The following COL5A1 variants were observed in gnomAD, a reference collection of about 807,000 sequenced individuals.
The protein encoded by COL5A1 is collagen type V alpha 1 chain.
Under a neutral mutation model 263.7 loss-of-function variants are expected in COL5A1, and 16 were observed. That is an observed-to-expected ratio of 0.06 (90% CI 0.04 to 0.09). The LOEUF (loss-of-function observed/expected upper bound fraction) is 0.09, where lower values mean the gene tolerates loss of function less well. Ranked by LOEUF, COL5A1 falls within the 10% of genes least tolerant of loss-of-function variation. The pLI is 1.00. For missense variants in COL5A1, 2,036 were observed against 2,540.5 expected (o/e 0.80, Z 4.27); for synonymous variants, 1,012 against 1,004.5 (o/e 1.01, Z -0.14).
chr9:134,771,141 G>A (rs1836853213), intron 25 of COL5A1, among the ~76,000 whole-genome samples: 1 of 152,270 alleles, frequency 6.6e-6, no homozygotes, highest in Non-Finnish European at 1.5e-5. Context: ...AAATGACCAC[G>A]TGGAGAGGCC....
chr9:134,815,920 CT>C lies in COL5A1; in HGVS notation c.4069-11del. On this transcript the variant is annotated splice_polypyrimidine_tract_variant and intron_variant, in intron 51 of 65. Coordinates refer to ENST00000371817, the MANE Select transcript of COL5A1 (RefSeq NM_000093.5). Reference sequence around the variant, plus strand: ...CATCCGGGGTTCAGCAAGGAGCTCGCTTTTGCCTCCATAGGGTCAAGATGGT... The same window carrying C: ...CATCCGGGGTTCAGCAAGGAGCTCGCTTTGCCTCCATAGGGTCAAGATGGT... 6.2e-7 allele frequency: 1 copy of C among 1,614,140 alleles called. No homozygotes were observed. The highest frequency in any genetic ancestry group is 8.5e-7 in the Non-Finnish European group (1 of 1,180,020).
chr9:134,816,669 G>A (rs1021991942), intron 52 of COL5A1, among the ~76,000 whole-genome samples: 38 of 152,236 alleles, frequency 2.5e-4, no homozygotes, highest in African/African-American at 9.2e-4. Context: ...CCACTTCCCG[G>A]CCTGTGTCCT....
chr9:134,808,979 C>T (rs1469128192), intron 42 of COL5A1: 11 of 618,804 alleles, frequency 1.8e-5, no homozygotes, highest in Admixed American at 5.2e-5. Flanking sequence ...TTAATTGAAG[C>T]GATGCACCAG....
At position 134,814,594 on chromosome 9, in the gene COL5A1, C is replaced by G. The variant is rs530406551; in HGVS notation, c.3907-203C>G. 1.4e-3 allele frequency among the ~76,000 whole-genome samples: 209 copies of G among 152,328 alleles called. 1 individual carries two copies. The highest frequency in any genetic ancestry group is 4.7e-3 in the African/African-American group (195 of 41,578). On this transcript the variant is annotated intron_variant, in intron 49 of 65. Coordinates refer to ENST00000371817, the MANE Select transcript of COL5A1 (RefSeq NM_000093.5). ...CTTTGAGGGCCCCAGAAAGTGAAGGCTCCTCAGGTCCCCCTCAGGGTGCAC... is the reference window on the plus strand; with the variant it reads ...CTTTGAGGGCCCCAGAAAGTGAAGGGTCCTCAGGTCCCCCTCAGGGTGCAC...
Position 134,754,342 on chromosome 9 carries a change from G to A in COL5A1, c.1827+16G>A, listed in dbSNP as rs745897562. 70 of 1,613,882 alleles carry A rather than the reference G, an allele frequency of 4.3e-5. No individual in the cohort carries two copies. The highest frequency in any genetic ancestry group is 5.8e-5 in the Non-Finnish European group (68 of 1,180,036). On this transcript the variant is annotated intron_variant, in intron 16 of 65. Transcript: ENST00000371817. This position sits in a 1 kb window ranked among gnomAD's most constrained non-coding sequence, Gnocchi z 4.3. ...CGGAAGACGGGTGAGTGGTGCGAGT[G>A]TGTGTGGTTTAGTGACAGCAGCTTG...
intron 49 of COL5A1, 144 bp from the exon 50 acceptor site, chr9:134,814,653 G>C (rs879746937): frequency 2.9e-6 from 2 of 698,062 alleles, no homozygotes; most frequent in African/African-American, 1.8e-5. Context: ...CTTGGGGAGC[G>C]ACCTGGCAGC....
chr9:134,655,080 A>C, intron 1 of COL5A1, among the ~76,000 whole-genome samples: 1 of 18,134 alleles, frequency 5.5e-5, no homozygotes, highest in East Asian at 1.3e-3. Flanking sequence ...GTGTAGGGCT[A>C]GGGGTGTGTA....
intron 4 of COL5A1, among the ~76,000 whole-genome samples, chr9:134,717,900 A>G (rs1368055735): frequency 1.3e-5 from 2 of 151,856 alleles, no homozygotes; most frequent in African/African-American, 4.8e-5. Flanking sequence ...GGCTGGCTCA[A>G]CCCAGGGATG....
intron 1 of COL5A1, among the ~76,000 whole-genome samples, chr9:134,659,816 C>CAGCT (rs1380911934): frequency 6.6e-6 from 1 of 152,224 alleles, no homozygotes; most frequent in East Asian, 1.9e-4. Context: ...AGCCTGTGCC[C>CAGCT]AGCTGTGTGT....
In COL5A1 at chr9:134,758,951, G is replaced by A. The variant is rs991835072; in HGVS notation, c.1935+655G>A. Among the ~76,000 whole-genome samples the A allele has an allele frequency of 9.2e-5, 14 of 152,282 alleles. No individual in the cohort carries two copies. Among genetic ancestry groups the A allele is most frequent in the South Asian group, 2.1e-4 (1 of 4,832 alleles). On this transcript the variant is annotated intron_variant, in intron 18 of 65. Coordinates refer to ENST00000371817, the MANE Select transcript of COL5A1 (RefSeq NM_000093.5). The surrounding 1 kb of genome is among the most constrained non-coding windows in gnomAD (Gnocchi z 4.1). The stretch of plus-strand genomic sequence containing the variant: ...AATCTTGAATCTGTCTCAATAGACT[G>A]TGGTCTTCTTTCAATAACAACGTGA...
intron 1 of COL5A1, among the ~76,000 whole-genome samples, chr9:134,657,879 T>C (rs1179938350): frequency 6.6e-6 from 1 of 151,862 alleles, no homozygotes; most frequent in East Asian, 1.9e-4. Context: ...GGCAGATGAA[T>C]AAGCTCAGAC....
chr9:134,667,975 G>A (rs757231689), intron 1 of COL5A1, among the ~76,000 whole-genome samples: 43 of 152,198 alleles, frequency 2.8e-4, no homozygotes, highest in African/African-American at 2.2e-4. Context: ...GGAACACAGA[G>A]CTGTGAGGGG....
intron 4 of COL5A1, among the ~76,000 whole-genome samples, chr9:134,717,880 G>C (rs529544404): frequency 1.3e-4 from 20 of 152,274 alleles, no homozygotes; most frequent in Non-Finnish European, 2.6e-4. Flanking sequence ...GTGCCAGGCA[G>C]TCATGGGGGG....
At chr9:134,785,574 G>A (rs1378742685) in intron 30 of COL5A1, among the ~76,000 whole-genome samples, 8 of 152,182 alleles carry the variant, frequency 5.3e-5, no homozygotes, top group Admixed American at 5.2e-4. Context: ...ACACACCCTG[G>A]CTCCACCCTG....
intron 1 of COL5A1, among the ~76,000 whole-genome samples, chr9:134,662,652 C>T (rs1304996387): frequency 6.6e-6 from 1 of 152,200 alleles, no homozygotes; most frequent in African/African-American, 2.4e-5. Context: ...GGTTGTTCTC[C>T]ACCCTCATGC....
chr9:134,832,073 T>C (rs536431012), intron 64 of COL5A1, among the ~76,000 whole-genome samples: 1 of 152,218 alleles, frequency 6.6e-6, no homozygotes, highest in South Asian at 2.1e-4. Flanking sequence ...GAGACCAGCC[T>C]GGGCAACATA....
In COL5A1 at chr9:134,686,723, C is replaced by A. The variant is rs953149269; in HGVS notation, c.110-4189C>A. Among the ~76,000 whole-genome samples the A allele has an allele frequency of 3.9e-5, 6 of 152,174 alleles. No individual in the cohort carries two copies. Among genetic ancestry groups the A allele is most frequent in the Admixed American group, 2.0e-4 (3 of 15,280 alleles). On this transcript the variant is annotated intron_variant, in intron 1 of 65. Transcript: ENST00000371817. The surrounding 1 kb of genome is among the most constrained non-coding windows in gnomAD (Gnocchi z 4.6). ...ACAGTGCAGGGGATGCAGGGGCCAA[C>A]TTCTCTAACTCTGATCAACTCGGGG...
chr9:134,798,568 GA>G, intron 37 of COL5A1, 107 bp downstream of exon 37: 3 of 835,752 alleles, frequency 3.6e-6, no homozygotes, highest in Non-Finnish European at 5.6e-6. Flanking sequence ...CCTGGCCTGG[GA>G]GAGACAGGTT....
Position 134,754,395 on chromosome 9 carries a change from G to A in COL5A1, c.1827+69G>A. 1 of 1,578,692 alleles carries A rather than the reference G, an allele frequency of 6.3e-7. No homozygotes were observed. Among genetic ancestry groups the A allele is most frequent in the Non-Finnish European group, 8.7e-7 (1 of 1,148,732 alleles). ...CGCTGGAGGAGCCCAAATCTGGGGT[G>A]CGGGCACCCCCAACAGCCAGCTGGG... On this transcript the variant is annotated intron_variant, in intron 16 of 65. Transcript: ENST00000371817. This position sits in a 1 kb window ranked among gnomAD's most constrained non-coding sequence, Gnocchi z 4.3.
Sources: allele counts gnomAD v4.1 joint callset (sites outside exome capture counted in the v4.1 genomes callset), GRCh38; gene constraint gnomAD v4.1.1; non-coding constraint Gnocchi (gnomAD v3.1); transcripts MANE v1.5; gene names NCBI Gene and HGNC (gene_info 2026-07-23, HGNC 2026-07-21).